The following MAGI1 variants were observed in gnomAD, a reference collection of about 807,000 sequenced individuals.
MAGI1 encodes the protein membrane associated guanylate kinase, WW and PDZ domain containing 1, also known as membrane-associated guanylate kinase, WW and PDZ domain-containing protein 1.
In MAGI1, 58 loss-of-function variants were observed where a neutral mutation model predicts 139.9. That is an observed-to-expected ratio of 0.41 (90% CI 0.34 to 0.52). The LOEUF (loss-of-function observed/expected upper bound fraction) is 0.52, where lower values mean the gene tolerates loss of function less well. Ranked by LOEUF, MAGI1 falls within the 20% of genes least tolerant of loss-of-function variation. The pLI is 0.12. For synonymous variants in MAGI1, 812 were observed against 737.9 expected, an observed-to-expected ratio of 1.10 and a Z score of -1.63; for missense variants, 1,874 against 1,901.6, an observed-to-expected ratio of 0.99 and a Z score of 0.27.
intron 21 of MAGI1, among the ~76,000 whole-genome samples, chr3:65,363,228 A>G (rs1431351243): frequency 1.3e-5 from 2 of 152,200 alleles, no homozygotes; most frequent in Non-Finnish European, 2.9e-5. Flanking sequence ...AGTAATTTAA[A>G]TCCTTTATTC....
chr3:65,561,211 C>T (rs2080330298), intron 2 of MAGI1, among the ~76,000 whole-genome samples: 1 of 152,134 alleles, frequency 6.6e-6, no homozygotes, highest in African/African-American at 2.4e-5. Context: ...ATCAATAAAT[C>T]TTCCCTATTT....
chr3:65,420,276 C>G (rs1946547189), intron 12 of MAGI1, among the ~76,000 whole-genome samples: 1 of 152,026 alleles, frequency 6.6e-6, no homozygotes, highest in Non-Finnish European at 1.5e-5. Context: ...GCACACAGGT[C>G]TCTGTTCCAA....
At chr3:65,586,392 T>C (rs549023082) in intron 2 of MAGI1, among the ~76,000 whole-genome samples, 1 of 152,280 alleles carries the variant, frequency 6.6e-6, no homozygotes, top group East Asian at 1.9e-4. Context: ...TGACTACAAA[T>C]GGTCAGTAGA....
At chr3:65,745,742 C>CT (rs1346415978) in intron 1 of MAGI1, among the ~76,000 whole-genome samples, 1 of 152,032 alleles carries the variant, frequency 6.6e-6, no homozygotes, top group African/African-American at 2.4e-5. Flanking sequence ...TTGTTTTTCC[C>CT]CCCTTGAGGT....
intron 12 of MAGI1, among the ~76,000 whole-genome samples, chr3:65,413,407 A>G (rs1945943606): frequency 6.6e-6 from 1 of 152,190 alleles, no homozygotes; most frequent in Non-Finnish European, 1.5e-5. Flanking sequence ...GTCCTGCCGC[A>G]CTGCATTATT....
chr3:65,620,727 C>T (rs1258343296), intron 2 of MAGI1, among the ~76,000 whole-genome samples: 1 of 152,200 alleles, frequency 6.6e-6, no homozygotes. Flanking sequence ...AACCTCCTCT[C>T]CGTCAAATGC....
At chr3:65,479,019 G>A (rs1448906653) in intron 3 of MAGI1, among the ~76,000 whole-genome samples, 6 of 152,092 alleles carry the variant, frequency 3.9e-5, no homozygotes, top group Non-Finnish European at 7.4e-5. Flanking sequence ...TTGTTTTAGT[G>A]CAAACAACCT....
chr3:65,458,198 T>A (rs575708767), intron 5 of MAGI1, among the ~76,000 whole-genome samples: 7 of 152,314 alleles, frequency 4.6e-5, no homozygotes, highest in African/African-American at 1.7e-4. Context: ...TCCATTTATC[T>A]GTTGATGAAC....
intron 1 of MAGI1, among the ~76,000 whole-genome samples, chr3:65,736,795 C>T (rs1363985583): frequency 6.6e-6 from 1 of 152,166 alleles, no homozygotes; most frequent in African/African-American, 2.4e-5. Context: ...GATTCAAATG[C>T]AAACCTCTTC....
intron 2 of MAGI1, among the ~76,000 whole-genome samples, chr3:65,497,265 G>A (rs1055919863): frequency 1.3e-5 from 2 of 152,070 alleles, no homozygotes; most frequent in Non-Finnish European, 2.9e-5. Flanking sequence ...CAAGAAGTTT[G>A]GATTGAACAC....
At chr3:65,604,886 T>C (rs535575733) in intron 2 of MAGI1, among the ~76,000 whole-genome samples, 7 of 152,348 alleles carry the variant, frequency 4.6e-5, no homozygotes, top group African/African-American at 1.7e-4. Context: ...AATGTGTTAC[T>C]ATTTAGCAGT....
At chr3:65,736,157 T>C (rs2034707452) in intron 1 of MAGI1, among the ~76,000 whole-genome samples, 1 of 152,212 alleles carries the variant, frequency 6.6e-6, no homozygotes, top group South Asian at 2.1e-4. Flanking sequence ...TTCAATTCTC[T>C]TATGGTTTTC....
intron 3 of MAGI1, among the ~76,000 whole-genome samples, chr3:65,492,924 A>C (rs1240589798): frequency 2.6e-5 from 4 of 151,972 alleles, no homozygotes; most frequent in Admixed American, 2.6e-4. Context: ...TAAAAATACA[A>C]AAAATTAGCC....
chr3:65,933,702 C>A (rs1003173725), intron 1 of MAGI1, among the ~76,000 whole-genome samples: 33 of 152,062 alleles, frequency 2.2e-4, no homozygotes, highest in African/African-American at 7.5e-4. Context: ...GATAGATACT[C>A]CTTGAAACTC....
At chr3:65,448,402 G>A (rs917448334) in intron 6 of MAGI1, among the ~76,000 whole-genome samples, 1 of 152,124 alleles carries the variant, frequency 6.6e-6, no homozygotes, top group Non-Finnish European at 1.5e-5. Flanking sequence ...AGTAAACAAA[G>A]CTGTTAGACC....
intron 5 of MAGI1, among the ~76,000 whole-genome samples, chr3:65,460,732 T>C (rs976136356): frequency 1.3e-5 from 2 of 152,214 alleles, no homozygotes; most frequent in Non-Finnish European, 1.5e-5. Flanking sequence ...TAGTGTGTGA[T>C]GTTCCCCTCC....
chr3:65,843,912 C>T (rs1352777503), intron 1 of MAGI1: 3 of 212,210 alleles, frequency 1.4e-5, no homozygotes, highest in Non-Finnish European at 2.8e-5. Flanking sequence ...TCTCTTGACC[C>T]AGAAACCCCC....
At chr3:65,581,304 C>T (rs746952487) in intron 2 of MAGI1, among the ~76,000 whole-genome samples, 5 of 151,740 alleles carry the variant, frequency 3.3e-5, no homozygotes, top group Non-Finnish European at 7.4e-5. Flanking sequence ...CTAAAGATCA[C>T]AGAAATGTAC....
At chr3:65,515,906 A>C (rs146406827) in intron 2 of MAGI1, among the ~76,000 whole-genome samples, 1 of 152,364 alleles carries the variant, frequency 6.6e-6, no homozygotes, top group Admixed American at 6.5e-5. Flanking sequence ...GGGTGAGAAC[A>C]CATCATAAAG....
Sources: allele counts gnomAD v4.1 joint callset (sites outside exome capture counted in the v4.1 genomes callset), GRCh38; gene constraint gnomAD v4.1.1; transcripts MANE v1.5; gene names NCBI Gene and HGNC (gene_info 2026-07-23, HGNC 2026-07-21).